MYRIP: variants seen among roughly 807,000 people sequenced by gnomAD.
MYRIP encodes the protein rab effector MyRIP.
In MYRIP, 49 loss-of-function variants were observed where a neutral mutation model predicts 98.0. That is an observed-to-expected ratio of 0.50 (90% CI 0.40 to 0.63). MYRIP has a LOEUF of 0.63. Among genes scored for constraint, MYRIP ranks in the 30% least tolerant of loss-of-function variants. MYRIP has a pLI of 0.00. For missense variants in MYRIP, 1,004 were observed against 1,058.2 expected, an observed-to-expected ratio of 0.95 and a Z score of 0.71; for synonymous variants, 404 against 409.5, an observed-to-expected ratio of 0.99 and a Z score of 0.16.
chr3:40,015,691 C>T (rs1398401130), intron 2 of MYRIP, among the ~76,000 whole-genome samples: 2 of 152,232 alleles, frequency 1.3e-5, no homozygotes, highest in Non-Finnish European at 1.5e-5. Context: ...CCTCCCTCAG[C>T]CCTCAGTGTG....
At chr3:39,818,677 G>C (rs1324902089) in intron 1 of MYRIP, among the ~76,000 whole-genome samples, 1 of 152,088 alleles carries the variant, frequency 6.6e-6, no homozygotes. Flanking sequence ...TTACATAGAT[G>C]CATTCAGTAA....
intron 2 of MYRIP, among the ~76,000 whole-genome samples, chr3:39,976,203 GAAAA>G (rs200362308): frequency 2.7e-5 from 4 of 150,164 alleles, no homozygotes; most frequent in Non-Finnish European, 5.9e-5. Flanking sequence ...AAATTTAAAA[GAAAA>G]AAAAACCCCA....
At chr3:39,958,207 A>G (rs1011561448) in intron 2 of MYRIP, among the ~76,000 whole-genome samples, 8 of 152,248 alleles carry the variant, frequency 5.3e-5, no homozygotes, top group South Asian at 2.1e-4. Flanking sequence ...CCAAAAAAGA[A>G]CCCGCATTGC....
rs1398726855 is a variant in MYRIP at position 39,935,208 on chromosome 3, G to C, written c.110+34282G>C. Among the ~76,000 whole-genome samples, 8 of 152,276 alleles carry C rather than the reference G, an allele frequency of 5.3e-5. No individual in the cohort carries two copies. In the East Asian group the frequency reaches 1.4e-3, roughly 26 times the overall value. On this transcript the variant is annotated intron_variant, in intron 2 of 16. Transcript: ENST00000302541. Reference sequence around the variant, plus strand: ...TGCTTCTACAGGGTTCAGGGACGGGGCAGATAAAGATAGAGTGAAGGCTGT... The same window carrying C: ...TGCTTCTACAGGGTTCAGGGACGGGCCAGATAAAGATAGAGTGAAGGCTGT...
intron 1 of MYRIP, among the ~76,000 whole-genome samples, chr3:39,880,966 T>A (rs1036280524): frequency 6.6e-6 from 1 of 152,160 alleles, no homozygotes. Context: ...ATATCTCTTT[T>A]AACTTTCTTC....
chr3:40,127,240 G>A (rs933744650), intron 3 of MYRIP, among the ~76,000 whole-genome samples: 1 of 152,060 alleles, frequency 6.6e-6, no homozygotes, highest in Non-Finnish European at 1.5e-5. Flanking sequence ...TATAGTAGAC[G>A]CTTAAGCATG....
chr3:39,830,585 C>A (rs929581211), intron 1 of MYRIP, among the ~76,000 whole-genome samples: 2 of 152,184 alleles, frequency 1.3e-5, no homozygotes, highest in African/African-American at 4.8e-5. Flanking sequence ...ATATCTGCTG[C>A]CCTTTGTTCT....
At chr3:40,051,343 C>A (rs1244061811) in intron 3 of MYRIP, among the ~76,000 whole-genome samples, 2 of 152,128 alleles carry the variant, frequency 1.3e-5, no homozygotes, top group Non-Finnish European at 2.9e-5. Context: ...TTACAACTTA[C>A]TGAAGGCCCA....
chr3:40,161,404 C>T (rs879191505), intron 4 of MYRIP, among the ~76,000 whole-genome samples: 24 of 152,150 alleles, frequency 1.6e-4, no homozygotes, highest in African/African-American at 4.3e-4. Flanking sequence ...ATGTTTCCCA[C>T]GACCCTCCCC....
chr3:40,038,301 G>A (rs1323989370), intron 2 of MYRIP, among the ~76,000 whole-genome samples: 3 of 152,080 alleles, frequency 2.0e-5, no homozygotes, highest in African/African-American at 7.2e-5. Flanking sequence ...GATTAGGAAA[G>A]AGTAAATGTT....
At chr3:39,965,966 A>G (rs1945430302) in intron 2 of MYRIP, among the ~76,000 whole-genome samples, 1 of 152,150 alleles carries the variant, frequency 6.6e-6, no homozygotes, top group African/African-American at 2.4e-5. Context: ...TGAAATACAC[A>G]TTGTGAAAGT....
chr3:40,190,262 G>C lies in MYRIP; in HGVS notation c.1464G>C (p.Met488Ile). Reference protein sequence around the residue: ...KAPRNPAAEKMRLHGELDVNF... With the variant: ...KAPRNPAAEKIRLHGELDVNF... ...CCAGGAACCCTGCAGCTGAGAAGAT[G>C]CGCTTGCATGGAGAGCTGGACGTGA... The change falls in exon 10 of 17, where the codon ATG (methionine) becomes ATC (isoleucine). Residue 488 changes from methionine (M) to isoleucine (I), a missense_variant. By Grantham distance (10) the Met-to-Ile change is conservative. Transcript: ENST00000302541. The C allele has an allele frequency of 2.5e-6, 4 of 1,614,054 alleles. No homozygotes were observed. Among genetic ancestry groups the C allele is most frequent in the African/African-American group, 1.3e-5 (1 of 75,010 alleles).
chr3:40,190,369 C>G lies in MYRIP; in HGVS notation c.1571C>G (p.Ala524Gly), dbSNP rs1425838995. ...EEAPHTTDRR[A>G]RRWRRARLGS... Reference sequence around the variant, plus strand: ...GCCCCCCACACCACAGACCGGCGGGCCAGGAGGTGGAGAAGAGCCCGACTG... The same window carrying G: ...GCCCCCCACACCACAGACCGGCGGGGCAGGAGGTGGAGAAGAGCCCGACTG... The change falls in exon 10 of 17, where the codon GCC becomes GGC. Residue 524 changes from alanine (A) to glycine (G), a missense_variant. Around this residue, in one of 3 missense-constraint regions of MYRIP, gnomAD observed 880 missense variants for 907.7 expected, o/e 0.97. Transcript: ENST00000302541. The G allele has an allele frequency of 6.2e-7, 1 of 1,613,818 alleles. No individual in the cohort carries two copies. The highest frequency in any genetic ancestry group is 8.5e-7 in the Non-Finnish European group (1 of 1,179,926).
At chr3:39,904,163 T>C (rs1355836823) in intron 2 of MYRIP, among the ~76,000 whole-genome samples, 1 of 152,230 alleles carries the variant, frequency 6.6e-6, no homozygotes, top group Admixed American at 6.5e-5. Flanking sequence ...TATGGTCCTT[T>C]GATAACAATT....
chr3:39,843,911 C>T (rs563203990), intron 1 of MYRIP, among the ~76,000 whole-genome samples: 15 of 152,286 alleles, frequency 9.8e-5, no homozygotes, highest in African/African-American at 3.6e-4. Context: ...TGAAGTTGGA[C>T]TCATGCATAA....
intron 11 of MYRIP, among the ~76,000 whole-genome samples, chr3:40,222,179 C>T (rs1462671314): frequency 6.6e-6 from 1 of 152,206 alleles, no homozygotes; most frequent in Non-Finnish European, 1.5e-5. Context: ...GTGCCCAGAG[C>T]AGCAGCTCAG....
At chr3:40,201,033 G>C (rs1302326744) in intron 10 of MYRIP, among the ~76,000 whole-genome samples, 1 of 152,200 alleles carries the variant, frequency 6.6e-6, no homozygotes, top group African/African-American at 2.4e-5. Context: ...TGAAAATATT[G>C]TGTCTTAATT....
chr3:39,964,290 A>G (rs981614556), intron 2 of MYRIP, among the ~76,000 whole-genome samples: 5 of 152,146 alleles, frequency 3.3e-5, no homozygotes, highest in Non-Finnish European at 5.9e-5. Flanking sequence ...AGAGTTTTAA[A>G]TGGTATACAT....
intron 2 of MYRIP, among the ~76,000 whole-genome samples, chr3:39,998,964 G>A (rs916164751): frequency 6.6e-6 from 1 of 152,160 alleles, no homozygotes; most frequent in African/African-American, 2.4e-5. Flanking sequence ...TGGGAAAACT[G>A]GCTAGCCACA....
Sources: allele counts gnomAD v4.1 joint callset (sites outside exome capture counted in the v4.1 genomes callset), GRCh38; gene constraint gnomAD v4.1.1; regional missense constraint gnomAD v4.1.1; transcripts MANE v1.5; gene names NCBI Gene and HGNC (gene_info 2026-07-23, HGNC 2026-07-21).